The following GRID2 variants were observed in gnomAD, a reference collection of about 807,000 sequenced individuals.
GRID2 encodes the protein glutamate ionotropic receptor delta type subunit 2.
GRID2 carries 33 observed loss-of-function variants against 114.8 expected under a neutral mutation model. The observed-to-expected ratio is 0.29, with a 90% CI of 0.22 to 0.38. The LOEUF (loss-of-function observed/expected upper bound fraction) is 0.38. Among genes scored for constraint, GRID2 ranks in the 10% least tolerant of loss-of-function variants. The probability of loss-of-function intolerance (pLI) is 1.00; values close to 1 mark genes in which losing one functional copy is unlikely to be tolerated. For synonymous variants in GRID2, 505 were observed against 449.9 expected, an observed-to-expected ratio of 1.12 and a Z score of -1.55; for missense variants, 1,184 against 1,257.7, an observed-to-expected ratio of 0.94 and a Z score of 0.89.
intron 1 of GRID2, among the ~76,000 whole-genome samples, chr4:92,383,544 A>T (rs374107788): frequency 1.3e-5 from 2 of 152,032 alleles, no homozygotes; most frequent in East Asian, 3.9e-4. Context: ...GGTAAGGTAT[A>T]GAAAGCCCCC....
intron 1 of GRID2, among the ~76,000 whole-genome samples, chr4:92,353,981 C>A (rs1728196482): frequency 6.6e-6 from 1 of 151,990 alleles, no homozygotes; most frequent in African/African-American, 2.4e-5. Context: ...TGCAGCCTTG[C>A]AATGTTTTCA....
intron 2 of GRID2, among the ~76,000 whole-genome samples, chr4:92,897,304 A>G (rs1428715721): frequency 3.3e-5 from 5 of 152,306 alleles, no homozygotes; most frequent in African/African-American, 1.2e-4. Context: ...AAGTTAATGA[A>G]AAACAACTAT....
chr4:93,205,516 C>T (rs1362219372), intron 4 of GRID2, among the ~76,000 whole-genome samples: 1 of 152,094 alleles, frequency 6.6e-6, no homozygotes, highest in Non-Finnish European at 1.5e-5. Context: ...CATAGTATTC[C>T]ATGGTGTATA....
At chr4:92,550,246 C>T (rs1368266951) in intron 1 of GRID2, among the ~76,000 whole-genome samples, 1 of 152,048 alleles carries the variant, frequency 6.6e-6, no homozygotes, top group Admixed American at 6.5e-5. Context: ...AATATGAACA[C>T]ATAGATTATA....
At chr4:92,447,907 G>A (rs1465712210) in intron 1 of GRID2, among the ~76,000 whole-genome samples, 1 of 152,200 alleles carries the variant, frequency 6.6e-6, no homozygotes, top group Non-Finnish European at 1.5e-5. Context: ...GAAATTTGGG[G>A]TGGAGGAGGA....
chr4:92,871,483 A>T (rs896335991), intron 2 of GRID2, among the ~76,000 whole-genome samples: 1 of 152,090 alleles, frequency 6.6e-6, no homozygotes, highest in Non-Finnish European at 1.5e-5. Flanking sequence ...ATTGATTACA[A>T]TTTGTTTTAA....
At chr4:92,511,952 T>G (rs1249413757) in intron 1 of GRID2, among the ~76,000 whole-genome samples, 1 of 151,842 alleles carries the variant, frequency 6.6e-6, no homozygotes, top group Admixed American at 6.6e-5. Context: ...CTGTACCCAT[T>G]ATATATAATA....
At chr4:92,439,140 C>G (rs917163948) in intron 1 of GRID2, among the ~76,000 whole-genome samples, 5 of 148,266 alleles carry the variant, frequency 3.4e-5, no homozygotes, top group African/African-American at 7.5e-5. Flanking sequence ...TGTTCTCTGG[C>G]GGGCAGGAGT....
At chr4:93,506,185 A>G (rs1023989234) in intron 12 of GRID2, among the ~76,000 whole-genome samples, 2 of 152,190 alleles carry the variant, frequency 1.3e-5, no homozygotes, top group Non-Finnish European at 2.9e-5. Context: ...ACATAAACTT[A>G]CAATTTTACC....
chr4:92,969,341 C>T (rs1220529083), intron 2 of GRID2, among the ~76,000 whole-genome samples: 1 of 151,466 alleles, frequency 6.6e-6, no homozygotes, highest in African/African-American at 2.4e-5. Flanking sequence ...GTATAACTGC[C>T]TTATTAGATG....
chr4:92,582,789 A>G (rs1728244481), intron 1 of GRID2, among the ~76,000 whole-genome samples: 2 of 151,830 alleles, frequency 1.3e-5, no homozygotes, highest in Non-Finnish European at 2.9e-5. Flanking sequence ...AGTTCGAGAT[A>G]AGCCTGGGCA....
At chr4:92,732,110 G>A (rs1464152447) in intron 2 of GRID2, among the ~76,000 whole-genome samples, 4 of 152,074 alleles carry the variant, frequency 2.6e-5, no homozygotes, top group Admixed American at 6.6e-5. Flanking sequence ...TACATGAAAT[G>A]AGCAATGTTT....
At chr4:93,684,656 G>A (rs1725910419) in intron 14 of GRID2, among the ~76,000 whole-genome samples, 1 of 152,066 alleles carries the variant, frequency 6.6e-6, no homozygotes, top group African/African-American at 2.4e-5. Context: ...TACAGGGGAT[G>A]CTGGCTAAAC....
intron 2 of GRID2, among the ~76,000 whole-genome samples, chr4:92,774,440 G>T (rs899316998): frequency 6.6e-6 from 1 of 152,008 alleles, no homozygotes; most frequent in Non-Finnish European, 1.5e-5. Flanking sequence ...GAGAACTGGG[G>T]TATCATTGAT....
chr4:93,737,102 TAGTTTCTTGG>T (rs1371317412), intron 14 of GRID2, among the ~76,000 whole-genome samples: 2 of 152,078 alleles, frequency 1.3e-5, no homozygotes, highest in Non-Finnish European at 2.9e-5. Flanking sequence ...ACTAATAATG[TAGTTTCTTGG>T]AGTTGCTTGG....
chr4:93,335,297 T>G (rs1182226487), intron 8 of GRID2, among the ~76,000 whole-genome samples: 2 of 152,184 alleles, frequency 1.3e-5, no homozygotes, highest in African/African-American at 2.4e-5. Context: ...CTTTTGCCCA[T>G]ACTGTAGTGA....
intron 14 of GRID2, among the ~76,000 whole-genome samples, chr4:93,650,964 A>G (rs887701162): frequency 1.3e-5 from 2 of 152,140 alleles, no homozygotes; most frequent in Non-Finnish European, 2.9e-5. Flanking sequence ...ACTGAATGCG[A>G]AATGATCAGA....
chr4:92,945,884 C>A (rs911035375), intron 2 of GRID2, among the ~76,000 whole-genome samples: 1 of 152,020 alleles, frequency 6.6e-6, no homozygotes, highest in Non-Finnish European at 1.5e-5. Context: ...AGATCTATGC[C>A]CCCTTAACTT....
intron 2 of GRID2, among the ~76,000 whole-genome samples, chr4:92,624,109 TTAAA>T (rs1224921782): frequency 1.1e-4 from 16 of 151,866 alleles, no homozygotes; most frequent in Non-Finnish European, 2.4e-4. Context: ...TCAGCATTAA[TTAAA>T]TAAATTATGT....
Sources: gnomAD v4.1 joint callset for allele counts (sites outside exome capture counted in the v4.1 genomes callset) on GRCh38, gnomAD v4.1.1 for gene constraint, MANE v1.5 for transcripts, NCBI Gene and HGNC (gene_info 2026-07-23, HGNC 2026-07-21) for gene names.